Variants in MICU1 observed in about 807,000 individuals in gnomAD.
MICU1 encodes mitochondrial calcium uptake 1, also known as calcium uptake protein 1, mitochondrial.
MICU1 carries 45 observed loss-of-function variants against 56.8 expected under a neutral mutation model. That is an observed-to-expected ratio of 0.79 (90% CI 0.62 to 1.02). The LOEUF (loss-of-function observed/expected upper bound fraction) is 1.02, where lower values mean the gene tolerates loss of function less well. Among genes scored for constraint, MICU1 ranks in the 50% least tolerant of loss-of-function variants. The pLI is 0.00. For synonymous variants in MICU1, 186 were observed against 195.1 expected, an observed-to-expected ratio of 0.95 and a Z score of 0.39; for missense variants, 504 against 587.1, an observed-to-expected ratio of 0.86 and a Z score of 1.46.
intron 1 of MICU1, among the ~76,000 whole-genome samples, chr10:72,599,984 T>C (rs765739161): frequency 6.6e-6 from 1 of 152,116 alleles, no homozygotes; most frequent in Non-Finnish European, 1.5e-5. Context: ...CCCTCTGGAA[T>C]TGTGAGGAAA....
rs1462572211 is a variant in MICU1, at chr10:72,423,211, T to G, written c.1071+23A>C. ...CCATACATTACCACGGTTTCTCTTC[T>G]TCCTCCAGCCAAAGCTACCTACCTT... is the stretch of plus-strand genomic sequence containing the variant. On this transcript the variant is annotated intron_variant, in intron 9 of 11. Transcript: ENST00000361114. 6 of 1,606,818 alleles carry G rather than the reference T, an allele frequency of 3.7e-6. No homozygotes were observed. In the South Asian group the frequency reaches 6.7e-5, roughly 18 times the overall value.
intron 8 of MICU1, among the ~76,000 whole-genome samples, chr10:72,440,970 A>G (rs1331952540): frequency 1.3e-5 from 2 of 152,216 alleles, no homozygotes; most frequent in Non-Finnish European, 2.9e-5. Context: ...AATTAGTTCA[A>G]CCATTGTGGA....
At chr10:72,541,582 T>G (rs535070246) in intron 4 of MICU1, among the ~76,000 whole-genome samples, 127 of 152,220 alleles carry the variant, frequency 8.3e-4, no homozygotes, top group African/African-American at 2.7e-3. Flanking sequence ...ACCCCTGTGA[T>G]TTCATCCTCA....
At chr10:72,464,376 G>A (rs563908920) in intron 8 of MICU1, among the ~76,000 whole-genome samples, 18 of 150,182 alleles carry the variant, frequency 1.2e-4, no homozygotes, top group Non-Finnish European at 2.2e-4. Context: ...GCGCACACAC[G>A]TATACATACA....
chr10:72,500,280 ATATATATATATATATATATATATTTTTT>A (rs1866999488), intron 6 of MICU1, among the ~76,000 whole-genome samples: 1 of 23,472 alleles, frequency 4.3e-5, no homozygotes, highest in Non-Finnish European at 8.6e-5. Flanking sequence ...ATATATATAT[ATATATATATATATATATATATATTTTTT>A]TTTTTTTTTT....
At chr10:72,405,282 C>T (rs1167640967) in intron 10 of MICU1, among the ~76,000 whole-genome samples, 1 of 149,928 alleles carries the variant, frequency 6.7e-6, no homozygotes, top group African/African-American at 2.5e-5. Context: ...TGCAATGGCG[C>T]AATCTCGGCT....
chr10:72,475,506 G>C (rs1564890962), intron 7 of MICU1, among the ~76,000 whole-genome samples: 1 of 151,128 alleles, frequency 6.6e-6, no homozygotes, highest in Non-Finnish European at 1.5e-5. Context: ...TCAGCTCACT[G>C]CAACCTCCAC....
chr10:72,441,984 G>A (rs1053156624), intron 8 of MICU1, among the ~76,000 whole-genome samples: 2 of 151,992 alleles, frequency 1.3e-5, no homozygotes, highest in East Asian at 1.9e-4. Flanking sequence ...ACCTTTATTT[G>A]TAAAAGCAGA....
chr10:72,373,473 G>A (rs1318601013), intron 11 of MICU1, among the ~76,000 whole-genome samples: 1 of 152,128 alleles, frequency 6.6e-6, no homozygotes. Flanking sequence ...CACTCTACAG[G>A]CTTTCCTTTG....
chr10:72,466,134 G>A (rs1865789232), intron 8 of MICU1, among the ~76,000 whole-genome samples: 1 of 152,086 alleles, frequency 6.6e-6, no homozygotes, highest in Admixed American at 6.6e-5. Context: ...ATAAAATAAA[G>A]GTTACTTAAA....
At chr10:72,607,876 G>C (rs1308853910) in intron 1 of MICU1, among the ~76,000 whole-genome samples, 1 of 152,032 alleles carries the variant, frequency 6.6e-6, no homozygotes, top group African/African-American at 2.4e-5. Flanking sequence ...ACTAACTCTA[G>C]TTAGTACCAG....
chr10:72,474,247 T>C (rs1417843945), intron 8 of MICU1, among the ~76,000 whole-genome samples: 1 of 97,248 alleles, frequency 1.0e-5, no homozygotes, highest in Non-Finnish European at 1.8e-5. Flanking sequence ...GCTGATGGAG[T>C]AGGACTGTCT....
At chr10:72,535,779 C>CT (rs1260187804) in intron 4 of MICU1, among the ~76,000 whole-genome samples, 1 of 152,290 alleles carries the variant, frequency 6.6e-6, no homozygotes, top group East Asian at 1.9e-4. Context: ...TGTATGCTTA[C>CT]TAATTGCATC....
intron 8 of MICU1, among the ~76,000 whole-genome samples, chr10:72,428,167 G>C (rs1039772489): frequency 1.3e-5 from 2 of 152,146 alleles, no homozygotes; most frequent in South Asian, 4.1e-4. Context: ...GGCAAACTGA[G>C]GAAGAAGGTT....
intron 10 of MICU1, among the ~76,000 whole-genome samples, chr10:72,395,825 T>G (rs1161860898): frequency 6.6e-6 from 1 of 152,210 alleles, no homozygotes; most frequent in Non-Finnish European, 1.5e-5. Context: ...GCCTACAGCC[T>G]CTAGACTCCA....
chr10:72,442,958 T>C (rs1403960618), intron 8 of MICU1, among the ~76,000 whole-genome samples: 1 of 152,164 alleles, frequency 6.6e-6, no homozygotes, highest in East Asian at 1.9e-4. Flanking sequence ...TGTTTCGTCA[T>C]GTTGGCCAGG....
At chr10:72,492,829 T>C (rs1866706565) in intron 6 of MICU1, among the ~76,000 whole-genome samples, 1 of 52,330 alleles carries the variant, frequency 1.9e-5, no homozygotes, top group Non-Finnish European at 5.2e-5. Context: ...AAATAAAATG[T>C]ATATGGGCCA....
At chr10:72,376,284 A>G (rs1421011304) in intron 10 of MICU1, among the ~76,000 whole-genome samples, 2 of 152,024 alleles carry the variant, frequency 1.3e-5, no homozygotes, top group Admixed American at 1.3e-4. Flanking sequence ...AAAAAAAAAA[A>G]GAAAAAATGA....
At chr10:72,450,259 A>G (rs548820971) in intron 8 of MICU1, among the ~76,000 whole-genome samples, 1 of 152,158 alleles carries the variant, frequency 6.6e-6, no homozygotes, top group East Asian at 1.9e-4. Flanking sequence ...GTGAGGTTTA[A>G]GTGAGCTCTG....
Sources: allele counts gnomAD v4.1 joint callset (sites outside exome capture counted in the v4.1 genomes callset), GRCh38; gene constraint gnomAD v4.1.1; transcripts MANE v1.5; gene names NCBI Gene and HGNC (gene_info 2026-07-23, HGNC 2026-07-21).